DEPTOR: variants seen among roughly 807,000 people sequenced by gnomAD.
DEPTOR encodes DEP domain containing MTOR interacting protein.
DEPTOR carries 41 observed loss-of-function variants against 41.6 expected under a neutral mutation model. The observed-to-expected ratio is 0.98, with a 90% CI of 0.77 to 1.28. The LOEUF (loss-of-function observed/expected upper bound fraction) is 1.28. Among genes scored for constraint, DEPTOR ranks in the 50% most tolerant of loss-of-function variants. The probability of loss-of-function intolerance (pLI) is 0.00; values close to 1 mark genes in which losing one functional copy is unlikely to be tolerated. For missense variants in DEPTOR, 514 were observed against 527.9 expected, an observed-to-expected ratio of 0.97 and a Z score of 0.26; for synonymous variants, 195 against 192.3, an observed-to-expected ratio of 1.01 and a Z score of -0.12.
intron 3 of DEPTOR, among the ~76,000 whole-genome samples, chr8:119,960,982 A>AAAAG (rs149572586): frequency 0.1 from 15,388 of 151,904 alleles, 820 homozygotes; most frequent in South Asian, 0.21. Context: ...TCCATCTCAA[A>AAAAG]AAAGAAAGAA....
At chr8:119,996,067 A>G (rs1019662080) in intron 4 of DEPTOR, among the ~76,000 whole-genome samples, 1 of 152,202 alleles carries the variant, frequency 6.6e-6, no homozygotes, top group East Asian at 1.9e-4. Context: ...GATACATACA[A>G]TTGTCACTTT....
chr8:120,013,516 A>C (rs1313794308), intron 8 of DEPTOR, among the ~76,000 whole-genome samples: 1 of 152,136 alleles, frequency 6.6e-6, no homozygotes, highest in East Asian at 1.9e-4. Context: ...AAAACTGCAG[A>C]GTTTGGGGTG....
intron 3 of DEPTOR, among the ~76,000 whole-genome samples, chr8:119,963,193 A>G (rs73705851): frequency 0.036 from 5,452 of 152,246 alleles, 106 homozygotes; most frequent in African/African-American, 0.052. Flanking sequence ...ACTGAATCTC[A>G]AGGAATTCCA....
intron 3 of DEPTOR, among the ~76,000 whole-genome samples, chr8:119,960,096 C>T (rs575550402): frequency 7.9e-5 from 12 of 151,882 alleles, no homozygotes; most frequent in East Asian, 2.0e-4. Flanking sequence ...TGGTGGCACA[C>T]GCCTGTAATC....
intron 6 of DEPTOR, among the ~76,000 whole-genome samples, chr8:120,004,144 A>T (rs1234149259): frequency 6.6e-6 from 1 of 152,222 alleles, no homozygotes; most frequent in Non-Finnish European, 1.5e-5. Flanking sequence ...AAAACATTTC[A>T]TGTTAGTAAG....
intron 1 of DEPTOR, among the ~76,000 whole-genome samples, chr8:119,883,733 T>C (rs1256842570): frequency 1.3e-5 from 2 of 152,154 alleles, no homozygotes. Flanking sequence ...TCCTCCTATC[T>C]CCCTGCAATA....
chr8:119,969,052 G>A (rs978808494), intron 4 of DEPTOR, among the ~76,000 whole-genome samples: 3 of 150,988 alleles, frequency 2.0e-5, no homozygotes, highest in Non-Finnish European at 2.9e-5. Context: ...CCAAGATCAC[G>A]CCACTACACT....
chr8:119,876,104 C>T (rs1344579871), intron 1 of DEPTOR, among the ~76,000 whole-genome samples: 1 of 151,984 alleles, frequency 6.6e-6, no homozygotes, highest in Non-Finnish European at 1.5e-5. Flanking sequence ...CTCTTTTTGT[C>T]CAGCAAGTAC....
intron 3 of DEPTOR, among the ~76,000 whole-genome samples, chr8:119,942,305 G>A (rs764187027): frequency 6.6e-6 from 1 of 152,154 alleles, no homozygotes; most frequent in Non-Finnish European, 1.5e-5. Flanking sequence ...TGGTGAGTTC[G>A]AGCAATTCTC....
At chr8:119,930,052 A>C in intron 3 of DEPTOR, 114 bp downstream of exon 3, 1 of 1,294,368 alleles carries the variant, frequency 7.7e-7, no homozygotes, top group East Asian at 2.5e-5. Flanking sequence ...TGGTTACATA[A>C]CTGTTCTTTT....
intron 4 of DEPTOR, among the ~76,000 whole-genome samples, chr8:119,988,958 C>CTTTTTTTTTTTTTTTT (rs71571643): frequency 4.3e-5 from 4 of 93,976 alleles, no homozygotes; most frequent in African/African-American, 8.8e-5. Flanking sequence ...TTTTTTTTTT[C>CTTTTTTTTTTTTTTTT]TTTTTTTTTT....
At chr8:119,909,471 C>T (rs1328337848) in intron 1 of DEPTOR, among the ~76,000 whole-genome samples, 2 of 152,142 alleles carry the variant, frequency 1.3e-5, no homozygotes, top group African/African-American at 4.8e-5. Context: ...ATATAGGCAT[C>T]AGCAGGGTTT....
At chr8:120,016,958 C>T (rs1812622175) in intron 8 of DEPTOR, among the ~76,000 whole-genome samples, 1 of 152,090 alleles carries the variant, frequency 6.6e-6, no homozygotes, top group South Asian at 2.1e-4. Context: ...GTCTGTAACA[C>T]CTGTCTCATT....
In DEPTOR at chr8:120,037,424, G is replaced by A. The variant is rs16893458; in HGVS notation, c.1102-12152G>A. Among the ~76,000 whole-genome samples the A allele has an allele frequency of 9.7e-3, 1,483 of 152,286 alleles. 23 individuals are homozygous for A. The highest frequency in any genetic ancestry group is 0.033 in the African/African-American group (1,368 of 41,532). ...TACACATCTCCAGTTATTACAAAGT[G>A]AACTGCTAGGAATGTGAGTGGAATT... is the stretch of plus-strand genomic sequence containing the variant. On this transcript the variant is annotated intron_variant, in intron 8 of 8. Transcript: ENST00000286234.
chr8:119,991,403 C>T (rs1008150673), intron 4 of DEPTOR, among the ~76,000 whole-genome samples: 1 of 152,052 alleles, frequency 6.6e-6, no homozygotes, highest in Non-Finnish European at 1.5e-5. Context: ...GCAACCTCCT[C>T]CTCCCGGGTT....
intron 3 of DEPTOR, among the ~76,000 whole-genome samples, chr8:119,959,306 G>T (rs1828459363): frequency 6.6e-6 from 1 of 151,154 alleles, no homozygotes; most frequent in East Asian, 2.0e-4. Context: ...GGGACTACAG[G>T]CGCCCACCAC....
At chr8:119,890,300 TTG>T (rs1491048590) in intron 1 of DEPTOR, among the ~76,000 whole-genome samples, 6 of 56,524 alleles carry the variant, frequency 1.1e-4, no homozygotes, top group East Asian at 8.8e-4. Context: ...TGTTTGTTTG[TTG>T]TTGTTGTTGT....
At chr8:119,989,454 G>T (rs912821039) in intron 4 of DEPTOR, among the ~76,000 whole-genome samples, 1 of 152,184 alleles carries the variant, frequency 6.6e-6, no homozygotes, top group Admixed American at 6.5e-5. Flanking sequence ...ATGGGAGGCA[G>T]TCTAGTGTGG....
intron 8 of DEPTOR, among the ~76,000 whole-genome samples, chr8:120,038,373 G>C (rs1813010264): frequency 2.0e-5 from 3 of 152,020 alleles, no homozygotes; most frequent in African/African-American, 7.2e-5. Context: ...GCCAAGGCAG[G>C]TGGATCGCCT....
Sources: gnomAD v4.1 joint callset for allele counts (sites outside exome capture counted in the v4.1 genomes callset) on GRCh38, gnomAD v4.1.1 for gene constraint, MANE v1.5 for transcripts, NCBI Gene and HGNC (gene_info 2026-07-23, HGNC 2026-07-21) for gene names.